The following CLDN10 variants were observed in gnomAD, a reference collection of about 807,000 sequenced individuals.
CLDN10 encodes claudin 10, also known as claudin-10.
In CLDN10, 15 loss-of-function variants were observed where a neutral mutation model predicts 22.9. The observed-to-expected ratio is 0.65, with a 90% confidence interval of 0.44 to 1.01. The LOEUF (loss-of-function observed/expected upper bound fraction) is 1.01, where lower values mean the gene tolerates loss of function less well. CLDN10 is among the 50% of genes least tolerant of loss of function. CLDN10 has a pLI of 0.00. For synonymous variants in CLDN10, 114 were observed against 111.4 expected (o/e 1.02, Z -0.15); for missense variants, 247 against 287.8 (o/e 0.86, Z 1.03).
At chr13:95,520,198 G>C (rs1256845762) in intron 1 of CLDN10, among the ~76,000 whole-genome samples, 1 of 152,030 alleles carries the variant, frequency 6.6e-6, no homozygotes, top group African/African-American at 2.4e-5. Flanking sequence ...ATTAATAAAG[G>C]CTCTTGGTCT....
chr13:95,474,660 G>C lies in CLDN10; in HGVS notation c.214+40613G>C, dbSNP rs1275693503. Among the ~76,000 whole-genome samples the C allele has an allele frequency of 4.6e-5, 7 of 152,370 alleles. No individual in the cohort carries two copies. In the East Asian group the frequency reaches 1.3e-3, roughly 29 times the overall value. Reference sequence around the variant, plus strand: ...GTATTCAGAAACAGCAGGGAGGCCTGCAAGGGCAATGGCCCTGTCTCAGTG... The same window carrying C: ...GTATTCAGAAACAGCAGGGAGGCCTCCAAGGGCAATGGCCCTGTCTCAGTG... On this transcript the variant is annotated intron_variant, in intron 1 of 4. Coordinates refer to the CLDN10 transcript ENST00000376873.
intron 1 of CLDN10, among the ~76,000 whole-genome samples, chr13:95,438,385 A>C (rs1285427006): frequency 6.6e-6 from 1 of 152,328 alleles, no homozygotes; most frequent in East Asian, 1.9e-4. Flanking sequence ...GATTACAGGC[A>C]TGGGCCATCG....
At chr13:95,538,278 C>T (rs1342437991) in intron 1 of CLDN10, among the ~76,000 whole-genome samples, 5 of 145,086 alleles carry the variant, frequency 3.4e-5, no homozygotes, top group Non-Finnish European at 7.5e-5. Flanking sequence ...TGGCACCTTA[C>T]AGGCGCCCAC....
intron 1 of CLDN10, among the ~76,000 whole-genome samples, chr13:95,521,744 A>T (rs2043226055): frequency 6.6e-6 from 1 of 152,080 alleles, no homozygotes; most frequent in Non-Finnish European, 1.5e-5. Context: ...TCTTCTTTAA[A>T]TATTTGGTAG....
chr13:95,440,631 G>A (rs2042315789), intron 1 of CLDN10, among the ~76,000 whole-genome samples: 1 of 152,200 alleles, frequency 6.6e-6, no homozygotes, highest in African/African-American at 2.4e-5. Context: ...AGCTGATATT[G>A]CACAGCTGCA....
chr13:95,555,047 G>GTTTTTTTTTTTT, intron 1 of CLDN10, among the ~76,000 whole-genome samples: 1 of 108,672 alleles, frequency 9.2e-6, no homozygotes, highest in Non-Finnish European at 1.8e-5. Flanking sequence ...TGTTAATCCA[G>GTTTTTTTTTTTT]TTTTTTTTTT....
At chr13:95,538,462 A>C (rs781452832) in intron 1 of CLDN10, among the ~76,000 whole-genome samples, 5 of 152,106 alleles carry the variant, frequency 3.3e-5, no homozygotes, top group Admixed American at 6.6e-5. Context: ...ATGAATTACC[A>C]ACAAGCATTC....
At chr13:95,453,848 C>T (rs1300049818) in intron 1 of CLDN10, among the ~76,000 whole-genome samples, 2 of 152,134 alleles carry the variant, frequency 1.3e-5, no homozygotes, top group South Asian at 2.1e-4. Context: ...GGCACGGTGG[C>T]TTACACCTGT....
At position 95,571,837 on chromosome 13, in the gene CLDN10, T is replaced by TA. The variant is rs566418289; in HGVS notation, c.465-5387dup. On this transcript the variant is annotated intron_variant, in intron 3 of 4. Coordinates refer to ENST00000299339, the MANE Select transcript of CLDN10 (RefSeq NM_006984.5). ...TGTACTTTCTGGATTTTAAACTTTG[T>TA]AAAAAAACCTATGTAGTTATTTTAA... 8.3e-4 allele frequency among the ~76,000 whole-genome samples: 126 copies of TA among 152,260 alleles called. 1 individual carries two copies. The highest frequency in any genetic ancestry group is 2.6e-3 in the African/African-American group (106 of 41,552).
At chr13:95,501,551 T>C (rs1253496613) in intron 1 of CLDN10, among the ~76,000 whole-genome samples, 1 of 152,236 alleles carries the variant, frequency 6.6e-6, no homozygotes, top group East Asian at 1.9e-4. Flanking sequence ...TAATTCTTCT[T>C]GTCTTGATGT....
At chr13:95,523,960 A>T (rs1014954895) in intron 1 of CLDN10, among the ~76,000 whole-genome samples, 2 of 152,198 alleles carry the variant, frequency 1.3e-5, no homozygotes, top group African/African-American at 4.8e-5. Flanking sequence ...GTTGGGAACA[A>T]CTGGTCTACT....
intron 1 of CLDN10, among the ~76,000 whole-genome samples, chr13:95,453,337 C>T (rs1849968523): frequency 6.6e-6 from 1 of 152,154 alleles, no homozygotes; most frequent in African/African-American, 2.4e-5. Flanking sequence ...GCTCTCATTC[C>T]ACCAACAACC....
intron 3 of CLDN10, among the ~76,000 whole-genome samples, chr13:95,566,906 G>A (rs937025726): frequency 2.6e-5 from 4 of 152,060 alleles, no homozygotes; most frequent in African/African-American, 9.7e-5. Flanking sequence ...GTTTTTGTCA[G>A]GTTTGTTAAA....
intron 1 of CLDN10, among the ~76,000 whole-genome samples, chr13:95,514,872 C>T (rs2043146941): frequency 6.6e-6 from 1 of 152,132 alleles, no homozygotes; most frequent in Non-Finnish European, 1.5e-5. Context: ...GCATGGAAGC[C>T]ATTGCAGTAT....
chr13:95,505,755 T>C (rs1245863915), intron 1 of CLDN10, among the ~76,000 whole-genome samples: 3 of 142,468 alleles, frequency 2.1e-5, no homozygotes, highest in African/African-American at 8.2e-5. Flanking sequence ...CTTTCTTTTT[T>C]TTTTTTTTTT....
At chr13:95,519,306 C>T (rs2043201371) in intron 1 of CLDN10, among the ~76,000 whole-genome samples, 1 of 152,188 alleles carries the variant, frequency 6.6e-6, no homozygotes, top group South Asian at 2.1e-4. Context: ...CAGATGGATG[C>T]AAGGTCTCTG....
At position 95,458,724 on chromosome 13, in the gene CLDN10, C is replaced by T. The variant is rs576331999; in HGVS notation, c.214+24677C>T. On this transcript the variant is annotated intron_variant, in intron 1 of 4. Coordinates refer to the CLDN10 transcript ENST00000376873. The stretch of plus-strand genomic sequence containing the variant: ...GATGAGATTTTGGGTGGGGACACAG[C>T]CAAACCACATCATTCTGCCCCAGCC... Among the ~76,000 whole-genome samples, 12 of 152,218 alleles carry T rather than the reference C, an allele frequency of 7.9e-5. No homozygotes were observed. In the South Asian group the frequency reaches 2.5e-3, roughly 32 times the overall value.
intron 1 of CLDN10, among the ~76,000 whole-genome samples, chr13:95,488,598 C>T (rs534532432): frequency 3.9e-5 from 6 of 152,252 alleles, no homozygotes; most frequent in South Asian, 2.1e-4. Context: ...TCCCACATAT[C>T]AGTGAGAACA....
intron 1 of CLDN10, among the ~76,000 whole-genome samples, chr13:95,509,456 T>A (rs1321650648): frequency 6.6e-6 from 1 of 152,100 alleles, no homozygotes; most frequent in Non-Finnish European, 1.5e-5. Flanking sequence ...ACCCCTGAAA[T>A]TCCTTAATTC....
Sources: allele counts gnomAD v4.1 joint callset (sites outside exome capture counted in the v4.1 genomes callset), GRCh38; gene constraint gnomAD v4.1.1; transcripts MANE v1.5; gene names NCBI Gene and HGNC (gene_info 2026-07-23, HGNC 2026-07-21).